Variants in PPP1R16B observed in about 807,000 individuals in gnomAD.
The protein encoded by PPP1R16B is protein phosphatase 1 regulatory subunit 16B, also known as protein phosphatase 1 regulatory inhibitor subunit 16B.
Under a neutral mutation model 61.7 loss-of-function variants are expected in PPP1R16B, and 14 were observed. The ratio of observed to expected loss-of-function variants is 0.23; its 90% CI spans 0.15 to 0.35. The LOEUF (loss-of-function observed/expected upper bound fraction) is 0.35. Ranked by LOEUF, PPP1R16B falls within the 10% of genes least tolerant of loss-of-function variation. The pLI, the probability that PPP1R16B is intolerant of heterozygous loss-of-function variation, is 1.00. For synonymous variants in PPP1R16B, 266 were observed against 305.3 expected, an observed-to-expected ratio of 0.87 and a Z score of 1.34; for missense variants, 547 against 752.5, an observed-to-expected ratio of 0.73 and a Z score of 3.19.
intron 2 of PPP1R16B, among the ~76,000 whole-genome samples, chr20:38,845,127 C>A (rs2084929266): frequency 6.6e-6 from 1 of 152,120 alleles, no homozygotes; most frequent in East Asian, 1.9e-4. Context: ...AACCAGAAAG[C>A]AGAATGCAAG....
intron 2 of PPP1R16B, among the ~76,000 whole-genome samples, chr20:38,882,383 C>G (rs759345931): frequency 5.3e-5 from 8 of 151,646 alleles, no homozygotes; most frequent in African/African-American, 9.7e-5. Flanking sequence ...TGTTGTTGTT[C>G]TTGTTCTTGT....
intron 10 of PPP1R16B, 58 bp downstream of exon 10, chr20:38,908,251 C>T (rs1006155419): frequency 3.3e-5 from 53 of 1,593,536 alleles, no homozygotes; most frequent in Non-Finnish European, 4.4e-5. Flanking sequence ...GAGAACAGGG[C>T]CCAGCCTGGC....
intron 5 of PPP1R16B, 36 bp from the exon 6 acceptor site, chr20:38,902,632 G>C (rs769009656): frequency 6.2e-7 from 1 of 1,613,718 alleles, no homozygotes. Flanking sequence ...TCGTAGGCCT[G>C]AGGGTGCTAA....
intron 7 of PPP1R16B, 93 bp downstream of exon 7, chr20:38,906,187 A>G (rs1342061611): frequency 4.2e-6 from 6 of 1,424,118 alleles, no homozygotes; most frequent in South Asian, 1.4e-5. Flanking sequence ...TTCAAAGAAC[A>G]TAAGACTTTA....
rs370295097 is a variant in PPP1R16B, at chr20:38,922,618, T to G, written c.*3952T>G. On this transcript the variant is annotated 3_prime_UTR_variant, in exon 11 of 11. Transcript: ENST00000299824. ...CAAGTGCCACCGTGCGGGGCCTGGC[T>G]CTGCACACCCAGGAAAAGTCTGCAG... 12 of 152,620 alleles carry G rather than the reference T, an allele frequency of 7.9e-5. No homozygotes were observed. Among genetic ancestry groups the G allele is most frequent in the East Asian group, 5.8e-4 (3 of 5,194 alleles). 9.5% of individuals were successfully genotyped at this position (152,620 alleles called of 1,614,324 possible). A position where few individuals can be genotyped will look rare whatever the true frequency, so the allele number is the denominator to read the frequency against.
At chr20:38,889,534 C>T in intron 2 of PPP1R16B, 61 bp from the exon 3 acceptor site, 6 of 1,448,732 alleles carry the variant, frequency 4.1e-6, no homozygotes, top group Non-Finnish European at 5.8e-6. Context: ...TACCCGGGCC[C>T]CTGCATGCCT....
chr20:38,852,767 T>TTTG (rs2084977606), intron 2 of PPP1R16B, among the ~76,000 whole-genome samples: 1 of 103,264 alleles, frequency 9.7e-6, no homozygotes, highest in African/African-American at 3.8e-5. Flanking sequence ...TTTTTTTTTT[T>TTTG]TGCGGGGGGT....
In PPP1R16B at chr20:38,921,392, A is replaced by T. The variant is rs1446575596; in HGVS notation, c.*2726A>T. On this transcript the variant is annotated 3_prime_UTR_variant, in exon 11 of 11. Coordinates refer to ENST00000299824, the MANE Select transcript of PPP1R16B (RefSeq NM_015568.4). ...TGCGGATAAAGGAGGAATAAGACAG[A>T]GTCAGGAGAACTGTTCCTTGTGGTT... is the stretch of plus-strand genomic sequence containing the variant. 6.6e-6 allele frequency: 1 copy of T among 152,254 alleles called. No individual in the cohort carries two copies. The highest frequency in any genetic ancestry group is 1.5e-5 in the Non-Finnish European group (1 of 68,060). 9.4% of individuals were successfully genotyped at this position (152,254 alleles called of 1,614,324 possible). A position where few individuals can be genotyped will look rare whatever the true frequency, so the allele number is the denominator to read the frequency against.
intron 2 of PPP1R16B, among the ~76,000 whole-genome samples, chr20:38,850,739 G>A (rs567929907): frequency 6.6e-6 from 1 of 152,230 alleles, no homozygotes; most frequent in South Asian, 2.1e-4. Flanking sequence ...GGCCGAGGTG[G>A]GCAGATCACC....
intron 10 of PPP1R16B, among the ~76,000 whole-genome samples, chr20:38,915,394 A>G (rs1402856217): frequency 6.6e-6 from 1 of 152,210 alleles, no homozygotes; most frequent in Non-Finnish European, 1.5e-5. Flanking sequence ...AACTCTAGCA[A>G]TCACTGATCT....
chr20:38,889,512 G>A (rs374824068), intron 2 of PPP1R16B, 83 bp from the exon 3 acceptor site: 3 of 1,195,676 alleles, frequency 2.5e-6, no homozygotes, highest in Middle Eastern at 1.9e-4. Flanking sequence ...AGGCCTGGGG[G>A]AGAGCGGGTC....
intron 1 of PPP1R16B, among the ~76,000 whole-genome samples, chr20:38,822,576 G>C (rs1202345158): frequency 6.7e-6 from 1 of 148,188 alleles, no homozygotes; most frequent in Admixed American, 6.9e-5. Flanking sequence ...TCCAGAAAGA[G>C]CTACTTTGCC....
intron 2 of PPP1R16B, among the ~76,000 whole-genome samples, chr20:38,839,073 A>G (rs1188415932): frequency 6.6e-6 from 1 of 152,174 alleles, no homozygotes; most frequent in Non-Finnish European, 1.5e-5. Flanking sequence ...GACTACAGGC[A>G]TGCACCACCA....
chr20:38,840,870 G>A (rs1024806503), intron 2 of PPP1R16B, among the ~76,000 whole-genome samples: 2 of 152,196 alleles, frequency 1.3e-5, no homozygotes, highest in African/African-American at 2.4e-5. Flanking sequence ...GCTTCATAAC[G>A]TTGTTGGGGG....
intron 10 of PPP1R16B, among the ~76,000 whole-genome samples, chr20:38,914,281 G>A (rs1286313689): frequency 6.6e-6 from 1 of 152,168 alleles, no homozygotes; most frequent in African/African-American, 2.4e-5. Context: ...GGGGGACTGT[G>A]TTTGGGTTGT....
At chr20:38,861,008 C>T (rs890824661) in intron 2 of PPP1R16B, among the ~76,000 whole-genome samples, 4 of 152,184 alleles carry the variant, frequency 2.6e-5, no homozygotes, top group Admixed American at 2.0e-4. Flanking sequence ...TGCCCATCTT[C>T]CCTGATTCTC....
Position 38,910,539 on chromosome 20 carries a change from G to T in PPP1R16B, c.1194+2346G>T, listed in dbSNP as rs118083416. Among the ~76,000 whole-genome samples the T allele has an allele frequency of 8.6e-3, 922 of 106,946 alleles. 14 individuals are homozygous for T. Among genetic ancestry groups the T allele is most frequent in the South Asian group, 9.9e-3 (34 of 3,432 alleles). 70.2% of individuals were successfully genotyped at this position (106,946 alleles called of 152,430 possible). The stretch of plus-strand genomic sequence containing the variant: ...TGGCATATAGCAGTAGTTTTTTTTT[G>T]TTTTTTTTTTTTGAGACAGGAGTTC... On this transcript the variant is annotated intron_variant, in intron 10 of 10. Transcript: ENST00000299824.
Position 38,921,589 on chromosome 20 carries a change from A to G in PPP1R16B, c.*2923A>G, listed in dbSNP as rs1256921097. 6.6e-6 allele frequency: 1 copy of G among 152,180 alleles called. No homozygotes were observed. The highest frequency in any genetic ancestry group is 1.5e-5 in the Non-Finnish European group (1 of 68,036). The allele number at this position is 152,180 out of a possible 1,614,324, so 9.4% of individuals were successfully genotyped here. ...TCACCCCTGGATAACATTTGCCACC[A>G]AGTATAGATGCTGGATCTTGGGTTC... On this transcript the variant is annotated 3_prime_UTR_variant, in exon 11 of 11. Transcript: ENST00000299824.
chr20:38,885,036 CA>C (rs71330453), intron 2 of PPP1R16B, among the ~76,000 whole-genome samples: 91 of 67,806 alleles, frequency 1.3e-3, no homozygotes, highest in East Asian at 5.2e-3. Flanking sequence ...AACTCTGTCT[CA>C]AAAAAAAAAA....
Sources: gnomAD v4.1 joint callset for allele counts (sites outside exome capture counted in the v4.1 genomes callset) on GRCh38, gnomAD v4.1.1 for gene constraint, MANE v1.5 for transcripts, NCBI Gene and HGNC (gene_info 2026-07-23, HGNC 2026-07-21) for gene names.